The following DLG2 variants were observed in gnomAD, a reference collection of about 807,000 sequenced individuals.
The protein encoded by DLG2 is disks large homolog 2.
In DLG2, 45 loss-of-function variants were observed where a neutral mutation model predicts 132.5. The ratio of observed to expected loss-of-function variants is 0.34; its 90% CI spans 0.27 to 0.44. The LOEUF (loss-of-function observed/expected upper bound fraction) is 0.44, where lower values mean the gene tolerates loss of function less well. Among genes scored for constraint, DLG2 ranks in the 20% least tolerant of loss-of-function variants. DLG2 has a pLI of 1.00. For missense variants in DLG2, 1,045 were observed against 1,196.9 expected, an observed-to-expected ratio of 0.87 and a Z score of 1.87; for synonymous variants, 424 against 419.6, an observed-to-expected ratio of 1.01 and a Z score of -0.13.
At chr11:85,616,650 G>A (rs1044299629) in intron 2 of DLG2, among the ~76,000 whole-genome samples, 1 of 152,052 alleles carries the variant, frequency 6.6e-6, no homozygotes, top group Non-Finnish European at 1.5e-5. Context: ...AGAGATTCTC[G>A]GGTACAGGCA....
chr11:85,272,472 G>A (rs759325873), intron 4 of DLG2, among the ~76,000 whole-genome samples: 29 of 152,148 alleles, frequency 1.9e-4, no homozygotes, highest in Non-Finnish European at 3.5e-4. Context: ...AAATGGTGTG[G>A]CAGCCTTGAG....
At chr11:84,599,933 G>A (rs912549004) in intron 6 of DLG2, among the ~76,000 whole-genome samples, 1 of 151,516 alleles carries the variant, frequency 6.6e-6, no homozygotes, top group Non-Finnish European at 1.5e-5. Context: ...TTGGGAGGCT[G>A]AGGTAGGAAG....
chr11:85,370,289 T>C (rs868743463), intron 3 of DLG2, among the ~76,000 whole-genome samples: 32 of 152,192 alleles, frequency 2.1e-4, no homozygotes, highest in South Asian at 6.2e-4. Context: ...AAATGTGTTT[T>C]TTAGTAAAAG....
intron 6 of DLG2, among the ~76,000 whole-genome samples, chr11:84,863,027 T>TA (rs1487067913): frequency 7.2e-5 from 11 of 152,078 alleles, no homozygotes; most frequent in African/African-American, 2.4e-4. Flanking sequence ...CTCTGCTTGC[T>TA]ATCCTTGTCT....
At chr11:84,927,459 C>T (rs933957992) in intron 6 of DLG2, among the ~76,000 whole-genome samples, 1 of 151,922 alleles carries the variant, frequency 6.6e-6, no homozygotes, top group Non-Finnish European at 1.5e-5. Context: ...TAGAGCTCCC[C>T]AAGTGATTCC....
At chr11:85,504,594 C>T (rs2093883923) in intron 3 of DLG2, among the ~76,000 whole-genome samples, 1 of 152,086 alleles carries the variant, frequency 6.6e-6, no homozygotes, top group Non-Finnish European at 1.5e-5. Flanking sequence ...GTAACAGTAC[C>T]ATGCTGTTTT....
chr11:85,335,113 G>T (rs758123023), intron 3 of DLG2, among the ~76,000 whole-genome samples: 1 of 152,208 alleles, frequency 6.6e-6, no homozygotes. Context: ...AGTGTTGGGT[G>T]CATATATATT....
intron 19 of DLG2, among the ~76,000 whole-genome samples, chr11:83,629,997 C>T (rs558094548): frequency 6.8e-4 from 104 of 152,072 alleles, no homozygotes; most frequent in Non-Finnish European, 1.3e-3. Context: ...TCAAACATAC[C>T]CAAATCATTC....
intron 6 of DLG2, among the ~76,000 whole-genome samples, chr11:84,731,014 A>G (rs548101303): frequency 1.3e-5 from 2 of 152,182 alleles, no homozygotes; most frequent in East Asian, 3.9e-4. Context: ...CAGCCCACCT[A>G]GATTCTTATG....
At chr11:84,996,846 A>G (rs1184143250) in intron 6 of DLG2, among the ~76,000 whole-genome samples, 1 of 152,200 alleles carries the variant, frequency 6.6e-6, no homozygotes, top group Non-Finnish European at 1.5e-5. Flanking sequence ...TTAAAATAAT[A>G]CTACATCAGA....
intron 7 of DLG2, among the ~76,000 whole-genome samples, chr11:84,328,372 C>A (rs1367696604): frequency 6.6e-6 from 1 of 152,012 alleles, no homozygotes; most frequent in Non-Finnish European, 1.5e-5. Context: ...GGAAATACAT[C>A]TCTTTAAAAA....
chr11:83,853,318 C>G (rs1470154426), intron 16 of DLG2, among the ~76,000 whole-genome samples: 2 of 152,110 alleles, frequency 1.3e-5, no homozygotes, highest in Non-Finnish European at 2.9e-5. Context: ...CCTCAGCTCT[C>G]CCTAACACTA....
intron 3 of DLG2, among the ~76,000 whole-genome samples, chr11:85,501,048 A>G (rs911639790): frequency 1.3e-5 from 2 of 152,228 alleles, no homozygotes; most frequent in African/African-American, 4.8e-5. Flanking sequence ...ACAAAACAGC[A>G]TGGTACTGGT....
chr11:84,581,170 T>C (rs936814456), intron 6 of DLG2, among the ~76,000 whole-genome samples: 7 of 152,182 alleles, frequency 4.6e-5, no homozygotes, highest in African/African-American at 1.7e-4. Context: ...CAAACAATAA[T>C]TATGAGAAGT....
chr11:85,147,113 G>C (rs79955552), intron 5 of DLG2, among the ~76,000 whole-genome samples: 1 of 152,200 alleles, frequency 6.6e-6, no homozygotes, highest in Non-Finnish European at 1.5e-5. Context: ...TAGGCAATGC[G>C]AAACTGTCTT....
chr11:84,528,698 AG>A (rs1183575559), intron 7 of DLG2, among the ~76,000 whole-genome samples: 1 of 152,234 alleles, frequency 6.6e-6, no homozygotes, highest in African/African-American at 2.4e-5. Flanking sequence ...GACAGATAAA[AG>A]AAGGCAAAGA....
chr11:84,374,620 T>A (rs1217059414), intron 7 of DLG2, among the ~76,000 whole-genome samples: 2 of 152,166 alleles, frequency 1.3e-5, no homozygotes, highest in Non-Finnish European at 2.9e-5. Context: ...CCTGAAATTG[T>A]CACCTTGTTG....
intron 11 of DLG2, among the ~76,000 whole-genome samples, chr11:83,989,086 A>C (rs554943194): frequency 6.6e-6 from 1 of 152,222 alleles, no homozygotes; most frequent in South Asian, 2.1e-4. Flanking sequence ...GGAAAGTCCC[A>C]TGTCTCTGAG....
intron 6 of DLG2, among the ~76,000 whole-genome samples, chr11:85,063,430 G>A (rs1368395376): frequency 6.6e-6 from 1 of 151,748 alleles, no homozygotes; most frequent in Non-Finnish European, 1.5e-5. Context: ...ATCAAGTAAT[G>A]GAGCAGTAAA....
Sources: gnomAD v4.1 joint callset for allele counts (sites outside exome capture counted in the v4.1 genomes callset) on GRCh38, gnomAD v4.1.1 for gene constraint, MANE v1.5 for transcripts, NCBI Gene and HGNC (gene_info 2026-07-23, HGNC 2026-07-21) for gene names.